The following PTPDC1 variants were observed in gnomAD, a reference collection of about 807,000 sequenced individuals.
PTPDC1 encodes the protein protein tyrosine phosphatase domain-containing protein 1.
PTPDC1 carries 53 observed loss-of-function variants against 75.3 expected under a neutral mutation model. The ratio of observed to expected loss-of-function variants is 0.70; its 90% CI spans 0.56 to 0.88. The LOEUF is 0.88. PTPDC1 is among the 40% of genes least tolerant of loss of function. The probability of loss-of-function intolerance (pLI) is 0.00; values close to 1 mark genes in which losing one functional copy is unlikely to be tolerated. For missense variants in PTPDC1, 925 were observed against 998.6 expected (o/e 0.93, Z 0.99); for synonymous variants, 349 against 366.2 (o/e 0.95, Z 0.54).
rs2118086459 is a variant in PTPDC1 at position 94,101,692 on chromosome 9, G to A, written c.2140G>A (p.Val714Met). The change falls in exon 7 of 9, where the codon GTG becomes ATG. Residue 714 changes from valine (V) to methionine (M), a missense_variant. By Grantham distance (21) the Val-to-Met change is conservative. Coordinates refer to ENST00000620992, the MANE Select transcript of PTPDC1 (RefSeq NM_001253829.2). ...GGAGCCTGTAATCACCAAAGAGGAT[G>A]TGGACATGTTGGTTGACAGGCGAGC... ...LKEPVITKED[V>M]DMLVDRRADA... The A allele has an allele frequency of 4.3e-6, 7 of 1,613,518 alleles. No homozygotes were observed. Among genetic ancestry groups the A allele is most frequent in the Non-Finnish European group, 5.9e-6 (7 of 1,179,634 alleles).
intron 6 of PTPDC1, among the ~76,000 whole-genome samples, chr9:94,099,776 C>G (rs933665175): frequency 6.6e-6 from 1 of 152,232 alleles, no homozygotes; most frequent in African/African-American, 2.4e-5. Context: ...TCTCGCACCC[C>G]CACTCCTGGG....
chr9:94,032,142 C>T (rs556042744), intron 1 of PTPDC1, among the ~76,000 whole-genome samples: 1 of 152,204 alleles, frequency 6.6e-6, no homozygotes, highest in Non-Finnish European at 1.5e-5. Context: ...AAATCCAAGT[C>T]TATGTGGCTC....
In PTPDC1 at chr9:94,101,621, C is replaced by G. The variant is rs1385349509; in HGVS notation, c.2069C>G (p.Pro690Arg). ...AWERICGERD[P>R]FILCSLMWSW... ...GAAAGAATATGTGGCGAGAGGGACC[C>G]TTTCATCCTATGCAGCTTGATGTGG... The change falls in exon 7 of 9, where the codon CCT becomes CGT. Residue 690 changes from proline to arginine, a missense_variant. By Grantham distance (103) the Pro-to-Arg change is moderately radical (BLOSUM62 -2). Transcript: ENST00000620992. 1 of 1,613,770 alleles carries G rather than the reference C, an allele frequency of 6.2e-7. No homozygotes were observed. Among genetic ancestry groups the G allele is most frequent in the Non-Finnish European group, 8.5e-7 (1 of 1,179,792 alleles).
intron 1 of PTPDC1, among the ~76,000 whole-genome samples, chr9:94,047,808 GA>G (rs1213103186): frequency 6.6e-6 from 1 of 152,142 alleles, no homozygotes; most frequent in Non-Finnish European, 1.5e-5. Flanking sequence ...AAATAAACTA[GA>G]AAATCTAGAA....
At chr9:94,061,824 G>C (rs1216959510) in intron 1 of PTPDC1, among the ~76,000 whole-genome samples, 1 of 152,266 alleles carries the variant, frequency 6.6e-6, no homozygotes, top group African/African-American at 2.4e-5. Context: ...CTCTGAGCCT[G>C]TGTTGGGAGG....
intron 2 of PTPDC1, among the ~76,000 whole-genome samples, chr9:94,068,099 T>A (rs1428294764): frequency 3.3e-5 from 5 of 152,202 alleles, no homozygotes; most frequent in African/African-American, 1.2e-4. Flanking sequence ...GACTGTTTCA[T>A]GGGCAGTGCT....
chr9:94,062,096 G>T (rs965128024), intron 1 of PTPDC1, among the ~76,000 whole-genome samples: 1 of 152,126 alleles, frequency 6.6e-6, no homozygotes, highest in African/African-American at 2.4e-5. Context: ...AAGCAGCCGG[G>T]TGACTTCTTG....
At chr9:94,055,260 T>C (rs1473489741) in intron 1 of PTPDC1, among the ~76,000 whole-genome samples, 2 of 152,228 alleles carry the variant, frequency 1.3e-5, no homozygotes, top group Non-Finnish European at 2.9e-5. Flanking sequence ...GACTTTTCTT[T>C]GTCTTAGTTT....
At chr9:94,102,863 C>A (rs1223032871) in intron 7 of PTPDC1, among the ~76,000 whole-genome samples, 1 of 152,194 alleles carries the variant, frequency 6.6e-6, no homozygotes, top group Non-Finnish European at 1.5e-5. Context: ...CAGGCATGAG[C>A]CACCATGCCA....
intron 2 of PTPDC1, among the ~76,000 whole-genome samples, chr9:94,065,639 C>G (rs1826278894): frequency 6.6e-6 from 1 of 152,194 alleles, no homozygotes; most frequent in African/African-American, 2.4e-5. Context: ...AGGGGGCGTT[C>G]TCTCTCATCA....
intron 2 of PTPDC1, among the ~76,000 whole-genome samples, chr9:94,086,627 G>T (rs1564026980): frequency 6.6e-6 from 1 of 152,164 alleles, no homozygotes; most frequent in Non-Finnish European, 1.5e-5. Context: ...ACAGAGTGAA[G>T]CCAGAGCCCA....
At chr9:94,064,881 G>A (rs1176145259) in intron 2 of PTPDC1, 12 of 1,279,512 alleles carry the variant, frequency 9.4e-6, no homozygotes, top group African/African-American at 1.5e-5. Context: ...AATAAAAGTA[G>A]CTATATGAAT....
rs1828131101 is a variant in PTPDC1 at position 94,109,717 on chromosome 9, C to T, written c.*1773C>T. 1 of 152,092 alleles carries T rather than the reference C, an allele frequency of 6.6e-6. No homozygotes were observed. The highest frequency in any genetic ancestry group is 1.5e-5 in the Non-Finnish European group (1 of 68,044). The allele number at this position is 152,092 out of a possible 1,614,324, so 9.4% of individuals were successfully genotyped here. On this transcript the variant is annotated 3_prime_UTR_variant, in exon 9 of 9. Transcript: ENST00000620992. ...GAAATACTTGTTTCAACTTAGAGAACAGTTATGATGTGACCATAGCATGGC... is the reference window on the plus strand; with the variant it reads ...GAAATACTTGTTTCAACTTAGAGAATAGTTATGATGTGACCATAGCATGGC...
intron 1 of PTPDC1, among the ~76,000 whole-genome samples, chr9:94,063,033 A>G (rs944378742): frequency 6.6e-6 from 1 of 152,186 alleles, no homozygotes; most frequent in Admixed American, 6.5e-5. Context: ...TCAGGTATAC[A>G]TGTTTCATTA....
chr9:94,065,437 C>T (rs1436498989), intron 2 of PTPDC1, among the ~76,000 whole-genome samples: 1 of 152,198 alleles, frequency 6.6e-6, no homozygotes, highest in African/African-American at 2.4e-5. Context: ...TCTAACTGCC[C>T]CCTTGGGGCT....
chr9:94,091,251 G>A (rs1382390473), intron 4 of PTPDC1, among the ~76,000 whole-genome samples: 3 of 152,040 alleles, frequency 2.0e-5, no homozygotes, highest in African/African-American at 2.4e-5. Context: ...TTTGAAATAC[G>A]TCCCATCAAT....
At chr9:94,031,655 T>C (rs974137597) in intron 1 of PTPDC1, among the ~76,000 whole-genome samples, 1 of 152,044 alleles carries the variant, frequency 6.6e-6, no homozygotes, top group African/African-American at 2.4e-5. Context: ...AAAAAGATCG[T>C]AGATATTACC....
chr9:94,088,058 A>G, intron 3 of PTPDC1, 87 bp from the exon 4 acceptor site: 1 of 1,511,956 alleles, frequency 6.6e-7, no homozygotes, highest in South Asian at 1.2e-5. Context: ...TTTTGAGAGT[A>G]ATTAATAATG....
chr9:94,064,471 T>C (rs1027377278), intron 1 of PTPDC1, among the ~76,000 whole-genome samples: 1 of 152,216 alleles, frequency 6.6e-6, no homozygotes, highest in Non-Finnish European at 1.5e-5. Context: ...AATACAATAA[T>C]CTGTTAGCCA....
Sources: allele counts gnomAD v4.1 joint callset (sites outside exome capture counted in the v4.1 genomes callset), GRCh38; gene constraint gnomAD v4.1.1; transcripts MANE v1.5; gene names NCBI Gene and HGNC (gene_info 2026-07-23, HGNC 2026-07-21).